Variants in BICDL1 observed in about 807,000 individuals in gnomAD.
BICDL1 encodes the protein BICD family like cargo adaptor 1.
BICDL1 carries 20 observed loss-of-function variants against 76.8 expected under a neutral mutation model. The observed-to-expected ratio is 0.26, with a 90% CI of 0.18 to 0.38. BICDL1 has a LOEUF of 0.38. Among genes scored for constraint, BICDL1 ranks in the 10% least tolerant of loss-of-function variants. The pLI, the probability that BICDL1 is intolerant of heterozygous loss-of-function variation, is 1.00. For missense variants in BICDL1, 700 were observed against 798.6 expected, an observed-to-expected ratio of 0.88 and a Z score of 1.49; for synonymous variants, 383 against 337.1, an observed-to-expected ratio of 1.14 and a Z score of -1.49.
At chr12:119,995,128 A>G (rs910604847) in intron 1 of BICDL1, among the ~76,000 whole-genome samples, 4 of 152,200 alleles carry the variant, frequency 2.6e-5, no homozygotes, top group South Asian at 4.1e-4. Context: ...CTAAAATACT[A>G]TATAACCCTG....
chr12:120,084,183 T>C (rs1212894819), intron 8 of BICDL1, among the ~76,000 whole-genome samples: 1 of 152,044 alleles, frequency 6.6e-6, no homozygotes, highest in Non-Finnish European at 1.5e-5. Flanking sequence ...TTTGTATTTT[T>C]AGTAGAGACA....
chr12:120,038,946 G>A (rs1037902308), intron 2 of BICDL1, among the ~76,000 whole-genome samples: 1 of 152,150 alleles, frequency 6.6e-6, no homozygotes, highest in Admixed American at 6.6e-5. Context: ...AACCATGCAA[G>A]AGACTGTCAT....
At chr12:119,999,285 C>G (rs1267170114) in intron 2 of BICDL1, among the ~76,000 whole-genome samples, 1 of 152,084 alleles carries the variant, frequency 6.6e-6, no homozygotes, top group Non-Finnish European at 1.5e-5. Context: ...GGAGTTTTCT[C>G]ATTTTTAAAA....
In BICDL1 at chr12:120,085,340, G is replaced by T. The variant is rs1015069664; in HGVS notation, c.1583+4323G>T. Among the ~76,000 whole-genome samples, 5 of 152,256 alleles carry T rather than the reference G, an allele frequency of 3.3e-5. No individual in the cohort carries two copies. In the South Asian group the frequency reaches 6.2e-4, roughly 19 times the overall value. ...AGGATCACAAATTCAGGAGGCGGAG[G>T]TTGCAGTAAGCCAAGATTGCACCAC... On this transcript the variant is annotated intron_variant, in intron 8 of 9. Transcript: ENST00000548673.
At chr12:120,035,841 CT>C (rs908227594) in intron 2 of BICDL1, among the ~76,000 whole-genome samples, 2 of 152,218 alleles carry the variant, frequency 1.3e-5, no homozygotes, top group Non-Finnish European at 2.9e-5. Context: ...ACTAACCTGA[CT>C]TTTATAATAA....
chr12:119,989,907 A>C lies in BICDL1; in HGVS notation c.39A>C (p.Ser13=), dbSNP rs1951477293. ...AFCLGLVGRA[S]APAEPDSACC... ...GCCTGGGCTTGGTCGGCCGCGCTTC[A>C]GCACCCGCCGAGCCGGACAGCGCCT... The change falls in exon 1 of 10, where the codon TCA becomes TCC. Residue 13 remains serine (S), a synonymous_variant. Transcript: ENST00000548673. The C allele has an allele frequency of 2.8e-6, 4 of 1,451,976 alleles. No individual in the cohort carries two copies. The highest frequency in any genetic ancestry group is 2.7e-6 in the Non-Finnish European group (3 of 1,114,386). The allele number at this position is 1,451,976 out of a possible 1,614,324, so 89.9% of individuals were successfully genotyped here.
At chr12:120,045,821 A>C (rs1397456846) in intron 2 of BICDL1, among the ~76,000 whole-genome samples, 1 of 151,410 alleles carries the variant, frequency 6.6e-6, no homozygotes, top group Non-Finnish European at 1.5e-5. Context: ...CTAATGCTAG[A>C]TGACGAGTTA....
At chr12:119,994,055 AC>A (rs1340755202) in intron 1 of BICDL1, among the ~76,000 whole-genome samples, 1 of 152,192 alleles carries the variant, frequency 6.6e-6, no homozygotes, top group Non-Finnish European at 1.5e-5. Flanking sequence ...GTATTTATAC[AC>A]CTTTTTTCTT....
chr12:120,033,034 C>G (rs547697896), intron 2 of BICDL1, among the ~76,000 whole-genome samples: 2 of 151,992 alleles, frequency 1.3e-5, no homozygotes, highest in East Asian at 3.9e-4. Flanking sequence ...CGTGAGCCAC[C>G]ATGCCTGGCC....
intron 3 of BICDL1, among the ~76,000 whole-genome samples, chr12:120,062,260 C>T (rs1421576196): frequency 2.0e-5 from 3 of 152,164 alleles, no homozygotes; most frequent in Admixed American, 6.5e-5. Context: ...ATACAAGGCA[C>T]TTTATATGAT....
intron 7 of BICDL1, among the ~76,000 whole-genome samples, chr12:120,076,961 C>T (rs1218461734): frequency 6.6e-6 from 1 of 152,252 alleles, no homozygotes; most frequent in Non-Finnish European, 1.5e-5. Flanking sequence ...GGCCCCTGCT[C>T]TCTAGGACCC....
intron 2 of BICDL1, among the ~76,000 whole-genome samples, chr12:120,004,974 AC>A (rs1364043329): frequency 3.3e-5 from 5 of 152,044 alleles, no homozygotes; most frequent in African/African-American, 1.2e-4. Context: ...GGCGCCCGCC[AC>A]TATACCCGGC....
chr12:120,082,250 TA>T (rs1566267268), intron 8 of BICDL1, among the ~76,000 whole-genome samples: 1 of 151,230 alleles, frequency 6.6e-6, no homozygotes, highest in Non-Finnish European at 1.5e-5. Flanking sequence ...ATATTTCCAA[TA>T]AACTAGGTCT....
At chr12:120,040,286 A>G (rs180826183) in intron 2 of BICDL1, among the ~76,000 whole-genome samples, 167 of 151,672 alleles carry the variant, frequency 1.1e-3, no homozygotes, top group African/African-American at 3.6e-3. Context: ...TTTAGTAGAG[A>G]ATCGCTGTTG....
At chr12:120,005,292 AAT>A (rs1491534994) in intron 2 of BICDL1, among the ~76,000 whole-genome samples, 7 of 152,250 alleles carry the variant, frequency 4.6e-5, no homozygotes, top group African/African-American at 1.4e-4. Context: ...GTTTGGTGTT[AAT>A]TTTTTTTGTA....
chr12:120,017,383 C>G (rs1173208816), intron 2 of BICDL1, among the ~76,000 whole-genome samples: 1 of 152,154 alleles, frequency 6.6e-6, no homozygotes, highest in African/African-American at 2.4e-5. Flanking sequence ...GCCACTGATC[C>G]AGATGACTTG....
At chr12:120,024,828 T>C (rs529725871) in intron 2 of BICDL1, among the ~76,000 whole-genome samples, 1 of 151,496 alleles carries the variant, frequency 6.6e-6, no homozygotes, top group Non-Finnish European at 1.5e-5. Flanking sequence ...GGCATTTTGT[T>C]GTTGTTGTTG....
At chr12:120,067,304 A>G (rs1210362247) in intron 4 of BICDL1, among the ~76,000 whole-genome samples, 1 of 152,208 alleles carries the variant, frequency 6.6e-6, no homozygotes, top group Non-Finnish European at 1.5e-5. Context: ...CTGTGGGGCA[A>G]CCCAGGAAGC....
intron 1 of BICDL1, among the ~76,000 whole-genome samples, chr12:119,996,521 C>G (rs1052964156): frequency 1.3e-5 from 2 of 152,164 alleles, no homozygotes; most frequent in Middle Eastern, 3.2e-3. Flanking sequence ...GTGAGAACTT[C>G]AGGTGAATAA....
Sources: gnomAD v4.1 joint callset for allele counts (sites outside exome capture counted in the v4.1 genomes callset) on GRCh38, gnomAD v4.1.1 for gene constraint, MANE v1.5 for transcripts, NCBI Gene and HGNC (gene_info 2026-07-23, HGNC 2026-07-21) for gene names.